The following DPF3 variants were observed in gnomAD, a reference collection of about 807,000 sequenced individuals.
DPF3 encodes the protein zinc finger protein DPF3.
In DPF3, 18 loss-of-function variants were observed where a neutral mutation model predicts 56.8. The observed-to-expected ratio is 0.32, with a 90% CI of 0.22 to 0.47. DPF3 has a LOEUF of 0.47. Ranked by LOEUF, DPF3 falls within the 20% of genes least tolerant of loss-of-function variation. The probability of loss-of-function intolerance (pLI) is 1.00; values close to 1 mark genes in which losing one functional copy is unlikely to be tolerated. For missense variants in DPF3, 403 were observed against 488.8 expected (o/e 0.82, Z 1.65); for synonymous variants, 188 against 180.2 (o/e 1.04, Z -0.35).
At chr14:72,636,894 C>T (rs1045516812) in intron 8 of DPF3, among the ~76,000 whole-genome samples, 1 of 152,110 alleles carries the variant, frequency 6.6e-6, no homozygotes, top group Admixed American at 6.5e-5. Flanking sequence ...ACCAAACAAA[C>T]AAAAATGCAT....
rs147114035 is a variant in DPF3 at position 72,691,813 on chromosome 14, CAGG to C, written c.742+1260_742+1262del. Among the ~76,000 whole-genome samples the C allele has an allele frequency of 3.0e-4, 46 of 152,090 alleles. No homozygotes were observed. The East Asian group carries it at 8.1e-3, about 27-fold the overall frequency. On this transcript the variant is annotated intron_variant, in intron 7 of 10. Transcript: ENST00000556509. ...ACAGAGGGATAACTGTGCGAGCGGA[CAGG>C]AGAAGGCAGCATCTGCAAGTCAAGG...
At chr14:72,652,333 C>G (rs1885935577) in intron 8 of DPF3, among the ~76,000 whole-genome samples, 3 of 152,280 alleles carry the variant, frequency 2.0e-5, no homozygotes, top group Non-Finnish European at 2.9e-5. Flanking sequence ...GGTGGGCTGA[C>G]TCATTTGGCC....
chr14:72,851,812 G>C (rs1246874056), intron 1 of DPF3, among the ~76,000 whole-genome samples: 1 of 152,202 alleles, frequency 6.6e-6, no homozygotes, highest in Non-Finnish European at 1.5e-5. Flanking sequence ...CACGGGCAAC[G>C]GGTAGGCAAC....
At chr14:72,743,502 G>A (rs1890210367) in intron 3 of DPF3, among the ~76,000 whole-genome samples, 1 of 151,836 alleles carries the variant, frequency 6.6e-6, no homozygotes, top group Non-Finnish European at 1.5e-5. Context: ...AAGGTCTGGG[G>A]TTGAAAGATG....
At chr14:72,844,865 G>A (rs1884686735) in intron 1 of DPF3, among the ~76,000 whole-genome samples, 1 of 152,204 alleles carries the variant, frequency 6.6e-6, no homozygotes, top group Non-Finnish European at 1.5e-5. Context: ...GCTCATACCT[G>A]TAAATCCCAG....
chr14:72,756,928 A>AAGAAAGAAAGAAAGAAG lies in DPF3; in HGVS notation c.194-3558_194-3557insCTTCTTTCTTTCTTTCT, dbSNP rs1428028523. Among the ~76,000 whole-genome samples, 207 of 139,160 alleles carry AAGAAAGAAAGAAAGAAG rather than the reference A, an allele frequency of 1.5e-3. 5 individuals are homozygous for AAGAAAGAAAGAAAGAAG. The highest frequency in any genetic ancestry group is 5.8e-3 in the African/African-American group (188 of 32,338). The allele number at this position is 139,160 out of a possible 152,430, so 91.3% of individuals were successfully genotyped here. On this transcript the variant is annotated intron_variant, in intron 2 of 10. Coordinates refer to ENST00000556509, the MANE Select transcript of DPF3 (RefSeq NM_001280542.3). ...AAAAAAAGAAAGAAAGAAAGAAAGA[A>AAGAAAGAAAGAAAGAAG]AGAAGAGAAGAGAAGAGAAAGGGAG...
rs757694376 is a variant in DPF3, at chr14:72,614,777, G to GAAAAAAAA, written c.*4512_*4519dup. Among the ~76,000 whole-genome samples the GAAAAAAAA allele has an allele frequency of 6.2e-5, 6 of 96,068 alleles. No homozygotes were observed. The highest frequency in any genetic ancestry group is 2.3e-4 in the African/African-American group (5 of 21,414). The allele number at this position is 96,068 out of a possible 152,430, so 63.0% of individuals were successfully genotyped here. A position where few individuals can be genotyped will look rare whatever the true frequency, so the allele number is the denominator to read the frequency against. On this transcript the variant is annotated 3_prime_UTR_variant, in exon 11 of 11. Transcript: ENST00000556509. ...CTGTTGCCCAGGATCACAAGCCTCAGAAAAAAAAAAAAGAGTTACAATCAC... is the reference window on the plus strand; with the variant it reads ...CTGTTGCCCAGGATCACAAGCCTCAGAAAAAAAAAAAAAAAAAAAAGAGTTACAATCAC...
chr14:72,734,649 C>G (rs984023781), intron 3 of DPF3, among the ~76,000 whole-genome samples: 7 of 152,098 alleles, frequency 4.6e-5, no homozygotes, highest in African/African-American at 1.7e-4. Flanking sequence ...CATTTTAGAG[C>G]TAGAAAAGAC....
chr14:72,788,330 C>T (rs190591314), intron 1 of DPF3, among the ~76,000 whole-genome samples: 1 of 152,118 alleles, frequency 6.6e-6, no homozygotes, highest in Admixed American at 6.5e-5. Context: ...TCCAGAAGAA[C>T]TCATGCAAGC....
chr14:72,694,263 G>GC (rs1887818576), intron 6 of DPF3, among the ~76,000 whole-genome samples: 2 of 152,306 alleles, frequency 1.3e-5, no homozygotes, highest in African/African-American at 4.8e-5. Flanking sequence ...AAATGTCCAT[G>GC]CCAACCTTCT....
intron 1 of DPF3, among the ~76,000 whole-genome samples, chr14:72,868,314 T>C (rs1487553215): frequency 6.6e-6 from 1 of 152,204 alleles, no homozygotes; most frequent in Non-Finnish European, 1.5e-5. Flanking sequence ...CCCAGAGCCC[T>C]AGTCTCCTCA....
At chr14:72,787,813 G>C (rs1034995592) in intron 1 of DPF3, among the ~76,000 whole-genome samples, 4 of 152,206 alleles carry the variant, frequency 2.6e-5, no homozygotes, top group African/African-American at 9.7e-5. Flanking sequence ...AAGAGGTGGG[G>C]TGCAGGTCCG....
chr14:72,723,040 A>T (rs371878369), intron 5 of DPF3, among the ~76,000 whole-genome samples: 11 of 128,222 alleles, frequency 8.6e-5, no homozygotes, highest in African/African-American at 4.6e-4. Flanking sequence ...TGGTTTATTT[A>T]TTTTTTTTAT....
At chr14:72,856,225 C>A (rs958521822) in intron 1 of DPF3, among the ~76,000 whole-genome samples, 1 of 152,226 alleles carries the variant, frequency 6.6e-6, no homozygotes, top group African/African-American at 2.4e-5. Context: ...TTCCACTACT[C>A]CAATTCTGTT....
At chr14:72,685,105 G>A (rs1391439597) in intron 7 of DPF3, among the ~76,000 whole-genome samples, 1 of 152,168 alleles carries the variant, frequency 6.6e-6, no homozygotes, top group Non-Finnish European at 1.5e-5. Context: ...CCACCCAGTC[G>A]ATGGAATTTT....
chr14:72,866,270 A>G (rs892352699), intron 1 of DPF3, among the ~76,000 whole-genome samples: 2 of 137,646 alleles, frequency 1.5e-5, no homozygotes, highest in Non-Finnish European at 3.4e-5. Flanking sequence ...GCCTCCACGC[A>G]CAAGCCATCC....
intron 8 of DPF3, among the ~76,000 whole-genome samples, chr14:72,645,209 A>C (rs1325384589): frequency 3.3e-5 from 5 of 152,100 alleles, no homozygotes; most frequent in Non-Finnish European, 4.4e-5. Context: ...CCCAAACCAA[A>C]TGGTGGCCAT....
At chr14:72,887,876 T>C (rs1378869433) in intron 1 of DPF3, among the ~76,000 whole-genome samples, 1 of 152,150 alleles carries the variant, frequency 6.6e-6, no homozygotes. Flanking sequence ...GTTTCATCAA[T>C]AGCAGGTGAA....
intron 1 of DPF3, among the ~76,000 whole-genome samples, chr14:72,786,415 C>T (rs1892211427): frequency 6.6e-6 from 1 of 152,222 alleles, no homozygotes; most frequent in Non-Finnish European, 1.5e-5. Flanking sequence ...ACTACAGCCC[C>T]TCGGCCAAAC....
Sources: allele counts gnomAD v4.1 joint callset (sites outside exome capture counted in the v4.1 genomes callset), GRCh38; gene constraint gnomAD v4.1.1; transcripts MANE v1.5; gene names NCBI Gene and HGNC (gene_info 2026-07-23, HGNC 2026-07-21).